The following ITGA9 variants were observed in gnomAD, a reference collection of about 807,000 sequenced individuals.
The protein encoded by ITGA9 is integrin subunit alpha 9, also known as integrin alpha-9.
ITGA9 carries 56 observed loss-of-function variants against 127.8 expected under a neutral mutation model. The observed-to-expected ratio is 0.44, with a 90% CI of 0.35 to 0.55. The LOEUF is 0.55. Among genes scored for constraint, ITGA9 ranks in the 20% least tolerant of loss-of-function variants. The pLI is 0.00. For synonymous variants in ITGA9, 508 were observed against 514.5 expected, an observed-to-expected ratio of 0.99 and a Z score of 0.17; for missense variants, 1,196 against 1,347.1, an observed-to-expected ratio of 0.89 and a Z score of 1.76.
At chr3:37,508,447 C>T in intron 7 of ITGA9, 112 bp from the exon 8 acceptor site, 1 of 800,312 alleles carries the variant, frequency 1.2e-6, no homozygotes, top group South Asian at 1.5e-5. Flanking sequence ...ATAAGCACAT[C>T]TGCTGTGCAC....
At chr3:37,509,443 G>A (rs1698879164) in intron 8 of ITGA9, among the ~76,000 whole-genome samples, 3 of 152,152 alleles carry the variant, frequency 2.0e-5, no homozygotes, top group African/African-American at 7.2e-5. Context: ...TGGAGGTCTT[G>A]GTGGAGGCCT....
At chr3:37,774,698 G>T (rs1328501966) in intron 23 of ITGA9, among the ~76,000 whole-genome samples, 1 of 151,524 alleles carries the variant, frequency 6.6e-6, no homozygotes, top group Non-Finnish European at 1.5e-5. Context: ...TTCAGCCTGG[G>T]AGACAGAGAC....
intron 25 of ITGA9, among the ~76,000 whole-genome samples, chr3:37,784,084 C>T (rs1328865134): frequency 6.6e-6 from 1 of 152,210 alleles, no homozygotes; most frequent in Admixed American, 6.5e-5. Flanking sequence ...AGACACCTTG[C>T]CTGTGGAGCC....
intron 15 of ITGA9, among the ~76,000 whole-genome samples, chr3:37,547,905 C>G (rs1699343387): frequency 6.6e-6 from 1 of 152,204 alleles, no homozygotes; most frequent in East Asian, 1.9e-4. Context: ...AAGGCAACCA[C>G]AGTTCCATTT....
intron 10 of ITGA9, among the ~76,000 whole-genome samples, chr3:37,518,093 C>CGTGTGTGTGTGTGTGTGTGT (rs55842055): frequency 0.13 from 18,281 of 143,892 alleles, 1,638 homozygotes; most frequent in Admixed American, 0.23. Flanking sequence ...AGAGTGTACG[C>CGTGTGTGTGTGTGTGTGTGT]GTGTGTGTGT....
chr3:37,727,364 GT>G (rs1575210454), intron 18 of ITGA9, among the ~76,000 whole-genome samples: 2 of 152,226 alleles, frequency 1.3e-5, no homozygotes, highest in African/African-American at 4.8e-5. Context: ...ACAAGGAAAA[GT>G]GGGACTGGGG....
chr3:37,593,029 G>A (rs1217086377), intron 15 of ITGA9, among the ~76,000 whole-genome samples: 1 of 152,098 alleles, frequency 6.6e-6, no homozygotes, highest in Non-Finnish European at 1.5e-5. Flanking sequence ...ATAACCAGGG[G>A]GAAAAAAGCA....
chr3:37,707,073 T>C (rs540065444), intron 18 of ITGA9, among the ~76,000 whole-genome samples: 7 of 152,336 alleles, frequency 4.6e-5, no homozygotes, highest in African/African-American at 1.4e-4. Flanking sequence ...ACATTTAACC[T>C]ATACTATACA....
intron 15 of ITGA9, among the ~76,000 whole-genome samples, chr3:37,568,712 A>G (rs1699572780): frequency 6.6e-6 from 1 of 152,284 alleles, no homozygotes; most frequent in African/African-American, 2.4e-5. Context: ...CTTTGCTAAA[A>G]CAGCAAGAAT....
intron 26 of ITGA9, among the ~76,000 whole-genome samples, chr3:37,801,172 GAAAGA>G (rs982763862): frequency 2.0e-5 from 3 of 151,720 alleles, no homozygotes; most frequent in Non-Finnish European, 2.9e-5. Flanking sequence ...CTCAAAAAAA[GAAAGA>G]AAAGAAAAGA....
At chr3:37,628,126 C>G (rs530129703) in intron 15 of ITGA9, among the ~76,000 whole-genome samples, 5 of 152,314 alleles carry the variant, frequency 3.3e-5, no homozygotes, top group African/African-American at 1.2e-4. Context: ...TGGCCTCAGC[C>G]TGCCCGCCCA....
At chr3:37,547,579 G>T (rs1241244141) in intron 15 of ITGA9, among the ~76,000 whole-genome samples, 1 of 152,018 alleles carries the variant, frequency 6.6e-6, no homozygotes, top group African/African-American at 2.4e-5. Flanking sequence ...GAAACAGATA[G>T]TTAAGAAAGG....
At chr3:37,705,765 A>G (rs978054412) in intron 18 of ITGA9, among the ~76,000 whole-genome samples, 4 of 152,176 alleles carry the variant, frequency 2.6e-5, no homozygotes, top group Non-Finnish European at 4.4e-5. Flanking sequence ...TGCCTCATGA[A>G]TTAATAGGGC....
chr3:37,506,892 A>G (rs565738091), intron 7 of ITGA9, among the ~76,000 whole-genome samples: 2 of 152,330 alleles, frequency 1.3e-5, no homozygotes, highest in Non-Finnish European at 2.9e-5. Context: ...CATATCTCCC[A>G]GGGCTTGGAG....
intron 17 of ITGA9, among the ~76,000 whole-genome samples, chr3:37,669,641 GAAAA>G: frequency 6.6e-6 from 1 of 151,046 alleles, no homozygotes; most frequent in African/African-American, 2.4e-5. Context: ...TAGTGGGAGA[GAAAA>G]AAAAACAGTT....
chr3:37,717,990 G>T (rs762957839), intron 18 of ITGA9, among the ~76,000 whole-genome samples: 1 of 152,190 alleles, frequency 6.6e-6, no homozygotes, highest in African/African-American at 2.4e-5. Flanking sequence ...AGCCCCTGGT[G>T]CAACAGCACC....
chr3:37,689,185 G>T (rs1005034088), intron 18 of ITGA9, among the ~76,000 whole-genome samples: 1 of 152,202 alleles, frequency 6.6e-6, no homozygotes, highest in Non-Finnish European at 1.5e-5. Flanking sequence ...TTATGTATTA[G>T]CTTCTAAGAC....
At chr3:37,684,123 G>A (rs1575191525) in intron 18 of ITGA9, 108 bp downstream of exon 18, 1 of 988,724 alleles carries the variant, frequency 1.0e-6, no homozygotes, top group Non-Finnish European at 1.6e-6. Context: ...AATCCTTTCT[G>A]TGGACTATCA....
chr3:37,542,761 T>G (rs1294205797), intron 15 of ITGA9, among the ~76,000 whole-genome samples, 176 bp downstream of exon 15: 1 of 152,258 alleles, frequency 6.6e-6, no homozygotes, highest in African/African-American at 2.4e-5. Context: ...AGCCCTTTTA[T>G]TTATCTTACT....
Sources: allele counts gnomAD v4.1 joint callset (sites outside exome capture counted in the v4.1 genomes callset), GRCh38; gene constraint gnomAD v4.1.1; transcripts MANE v1.5; gene names NCBI Gene and HGNC (gene_info 2026-07-23, HGNC 2026-07-21).